The following TRHDE variants were observed in gnomAD, a reference collection of about 807,000 sequenced individuals.
TRHDE encodes the protein thyrotropin-releasing hormone-degrading ectoenzyme.
A neutral mutation model predicts 125.7 loss-of-function variants in TRHDE; 72 were observed. The ratio of observed to expected loss-of-function variants is 0.57; its 90% CI spans 0.47 to 0.70. The LOEUF is 0.70. TRHDE is among the 30% of genes least tolerant of loss of function. The pLI is 0.00. For synonymous variants in TRHDE, 509 were observed against 509.1 expected (o/e 1.00, Z 0.00); for missense variants, 1,110 against 1,327.1 (o/e 0.84, Z 2.54).
In TRHDE at chr12:72,480,665, T is replaced by C. The variant is rs542430719; in HGVS notation, c.1584+7485T>C. 8.3e-4 allele frequency among the ~76,000 whole-genome samples: 126 copies of C among 152,280 alleles called. 1 individual carries two copies. In the Middle Eastern group the frequency reaches 0.014, roughly 16 times the overall value. ...TGCTTTCTAAGAAGAAAACACTTACTAAACCTGGAGTCTAACAATAATGCA... is the reference window on the plus strand; with the variant it reads ...TGCTTTCTAAGAAGAAAACACTTACCAAACCTGGAGTCTAACAATAATGCA... On this transcript the variant is annotated intron_variant, in intron 5 of 18. Transcript: ENST00000261180.
At chr12:72,270,998 G>A (rs894009486), upstream of TRHDE, among the ~76,000 whole-genome samples, 1 of 152,186 alleles carries the variant, frequency 6.6e-6, no homozygotes, top group Non-Finnish European at 1.5e-5. Context: ...ATTATGGCTA[G>A]GTGAAATGAA....
At chr12:72,267,679 A>C (rs1879099094), upstream of TRHDE, among the ~76,000 whole-genome samples, 1 of 152,094 alleles carries the variant, frequency 6.6e-6, no homozygotes, top group African/African-American at 2.4e-5. Flanking sequence ...GTAAAAATAA[A>C]AAATGAAAAA....
At chr12:72,480,579 C>T (rs1877122414) in intron 5 of TRHDE, among the ~76,000 whole-genome samples, 1 of 152,138 alleles carries the variant, frequency 6.6e-6, no homozygotes, top group Non-Finnish European at 1.5e-5. Flanking sequence ...TGCATAGTGT[C>T]AAGGTCCTTT....
At chr12:72,281,025 G>A (rs545797701) in intron 1 of TRHDE, among the ~76,000 whole-genome samples, 4 of 152,152 alleles carry the variant, frequency 2.6e-5, no homozygotes, top group East Asian at 1.9e-4. Context: ...GATCAAGTAC[G>A]CAGTACTTAT....
At chr12:72,363,797 AG>A (rs1184379171) in intron 2 of TRHDE, among the ~76,000 whole-genome samples, 1 of 152,052 alleles carries the variant, frequency 6.6e-6, no homozygotes, top group African/African-American at 2.4e-5. Context: ...AAGGAAATAA[AG>A]GGTATTCAAT....
At chr12:72,136,254 T>C (rs1875983343) in intron 2 of TRHDE, among the ~76,000 whole-genome samples, 1 of 152,144 alleles carries the variant, frequency 6.6e-6, no homozygotes, top group Non-Finnish European at 1.5e-5. Flanking sequence ...AAGCATAACA[T>C]AACCCATTAA....
chr12:72,476,051 G>T (rs995826317), intron 5 of TRHDE, among the ~76,000 whole-genome samples: 3 of 151,944 alleles, frequency 2.0e-5, no homozygotes, highest in Non-Finnish European at 4.4e-5. Flanking sequence ...CAAGTAGCTG[G>T]GATTACAGGT....
At chr12:72,168,173 T>C (rs1299504938) in intron 2 of TRHDE, among the ~76,000 whole-genome samples, 1 of 152,130 alleles carries the variant, frequency 6.6e-6, no homozygotes, top group Non-Finnish European at 1.5e-5. Flanking sequence ...TATGAGAAAA[T>C]AGGTTTTATG....
At chr12:72,271,986 A>T, upstream of TRHDE, 1 of 456,622 alleles carries the variant, frequency 2.2e-6, no homozygotes, top group Non-Finnish European at 4.4e-6. Context: ...TCCAGGACGG[A>T]TCTCCGTCGT....
chr12:72,278,445 A>G (rs974866415), intron 1 of TRHDE, among the ~76,000 whole-genome samples: 2 of 152,178 alleles, frequency 1.3e-5, no homozygotes, highest in South Asian at 2.1e-4. Context: ...CTTTGGATAT[A>G]TAATCCACCA....
Position 72,214,283 on chromosome 12 carries a change from A to AC in TRHDE, n.279+108534dup, listed in dbSNP as rs1422582834. ...AAAATAAAACCATTAGTTCTCTTTG[A>AC]CCCTATTCCAGGATAATTTGACTAG... On this transcript the variant is annotated intron_variant and non_coding_transcript_variant, in intron 2 of 4. Coordinates refer to the TRHDE transcript ENST00000548156. Among the ~76,000 whole-genome samples the AC allele has an allele frequency of 2.6e-5, 4 of 152,148 alleles. No homozygotes were observed. The East Asian group carries it at 7.7e-4, about 29-fold the overall frequency.
At chr12:72,561,728 T>C (rs544554610) in intron 7 of TRHDE, among the ~76,000 whole-genome samples, 1 of 152,346 alleles carries the variant, frequency 6.6e-6, no homozygotes, top group East Asian at 1.9e-4. Flanking sequence ...GAGTATTCTT[T>C]TGGCAAAGCA....
chr12:72,334,895 G>C (rs556196923), intron 2 of TRHDE, among the ~76,000 whole-genome samples: 8 of 152,340 alleles, frequency 5.3e-5, no homozygotes, highest in Non-Finnish European at 7.3e-5. Flanking sequence ...GAGTCAGGCA[G>C]GGGGACGGAA....
At chr12:72,422,462 C>T (rs917794995) in intron 3 of TRHDE, among the ~76,000 whole-genome samples, 3 of 152,058 alleles carry the variant, frequency 2.0e-5, no homozygotes, top group Non-Finnish European at 2.9e-5. Context: ...TCAATTCTAG[C>T]GTGTGATTTA....
chr12:72,486,999 G>C (rs931880995), intron 5 of TRHDE, among the ~76,000 whole-genome samples: 3 of 152,000 alleles, frequency 2.0e-5, no homozygotes, highest in Non-Finnish European at 2.9e-5. Context: ...GAGCTGTAGA[G>C]TTCAGCTATA....
chr12:72,614,742 A>G (rs1207759190), intron 12 of TRHDE, among the ~76,000 whole-genome samples: 1 of 152,148 alleles, frequency 6.6e-6, no homozygotes, highest in Non-Finnish European at 1.5e-5. Flanking sequence ...TTGCCTTTAA[A>G]GAAAACTCAC....
At chr12:72,644,906 C>T (rs1874218592) in intron 15 of TRHDE, among the ~76,000 whole-genome samples, 1 of 152,136 alleles carries the variant, frequency 6.6e-6, no homozygotes, top group Non-Finnish European at 1.5e-5. Flanking sequence ...AGCTTCTCCC[C>T]AGCTCAGCAC....
At chr12:72,406,405 G>A (rs1008893544) in intron 3 of TRHDE, among the ~76,000 whole-genome samples, 13 of 152,242 alleles carry the variant, frequency 8.5e-5, no homozygotes, top group African/African-American at 2.6e-4. Context: ...CTGAGCAGAG[G>A]TCAAGATACT....
At chr12:72,247,285 A>T (rs1430049651) in intron 2 of TRHDE, among the ~76,000 whole-genome samples, 1 of 152,190 alleles carries the variant, frequency 6.6e-6, no homozygotes, top group Non-Finnish European at 1.5e-5. Flanking sequence ...ATTAATTAAA[A>T]AAAATTTTTG....
Sources: gnomAD v4.1 joint callset for allele counts (sites outside exome capture counted in the v4.1 genomes callset) on GRCh38, gnomAD v4.1.1 for gene constraint, MANE v1.5 for transcripts, NCBI Gene and HGNC (gene_info 2026-07-23, HGNC 2026-07-21) for gene names.